RIMS2: variants seen among roughly 807,000 people sequenced by gnomAD.
RIMS2 encodes the protein regulating synaptic membrane exocytosis 2.
In RIMS2, 59 loss-of-function variants were observed where a neutral mutation model predicts 174.4. The ratio of observed to expected loss-of-function variants is 0.34; its 90% CI spans 0.27 to 0.42. The LOEUF (loss-of-function observed/expected upper bound fraction) is 0.42, where lower values mean the gene tolerates loss of function less well. Ranked by LOEUF, RIMS2 falls within the 10% of genes least tolerant of loss-of-function variation. RIMS2 has a pLI of 1.00. For synonymous variants in RIMS2, 606 were observed against 572.5 expected (o/e 1.06, Z -0.84); for missense variants, 1,620 against 1,666.3 (o/e 0.97, Z 0.48).
At chr8:104,240,542 T>C (rs892057219) in intron 19 of RIMS2, among the ~76,000 whole-genome samples, 2 of 152,238 alleles carry the variant, frequency 1.3e-5, no homozygotes, top group Non-Finnish European at 1.5e-5. Context: ...CTATAAATGT[T>C]CAGTATATTA....
At chr8:103,634,668 TCTAGGAACTTG>T (rs2096029022) in intron 1 of RIMS2, among the ~76,000 whole-genome samples, 1 of 152,354 alleles carries the variant, frequency 6.6e-6, no homozygotes, top group East Asian at 1.9e-4. Context: ...TCTGTAATTC[TCTAGGAACTTG>T]CTTTATGAAT....
chr8:103,709,132 A>G (rs2097269665), intron 2 of RIMS2, among the ~76,000 whole-genome samples: 2 of 152,164 alleles, frequency 1.3e-5, no homozygotes, highest in Non-Finnish European at 2.9e-5. Flanking sequence ...TGTTTATAAA[A>G]TTCAGTATAT....
intron 19 of RIMS2, among the ~76,000 whole-genome samples, chr8:104,144,358 A>G (rs1293894576): frequency 6.6e-6 from 1 of 152,178 alleles, no homozygotes; most frequent in East Asian, 1.9e-4. Flanking sequence ...AACACCCTAT[A>G]TCAACACTCA....
chr8:103,543,493 C>T (rs2131328231), intron 1 of RIMS2, among the ~76,000 whole-genome samples: 1 of 152,102 alleles, frequency 6.6e-6, no homozygotes, highest in Admixed American at 6.5e-5. Flanking sequence ...TTCACAGAAG[C>T]AGAAAAACAA....
Position 103,634,492 on chromosome 8 carries a change from T to G in RIMS2, c.177-62594T>G, listed in dbSNP as rs150461559. Among the ~76,000 whole-genome samples the G allele has an allele frequency of 4.2e-3, 639 of 152,340 alleles. 3 individuals carry two copies. Among genetic ancestry groups the G allele is most frequent in the African/African-American group, 0.015 (608 of 41,566 alleles). ...ATGTAGTGAGGAAAAGAATGTATAT[T>G]CTGTTGTTTTTGAGTGAAAACTTCT... On this transcript the variant is annotated intron_variant, in intron 1 of 23. Transcript: ENST00000504942.
At chr8:103,895,807 CT>C (rs2154522740) in intron 4 of RIMS2, among the ~76,000 whole-genome samples, 1 of 151,452 alleles carries the variant, frequency 6.6e-6, no homozygotes, top group South Asian at 2.1e-4. Context: ...CTTTCTTGGA[CT>C]TAAAATGTAG....
At chr8:103,643,795 T>A (rs1291597178) in intron 1 of RIMS2, among the ~76,000 whole-genome samples, 2 of 151,716 alleles carry the variant, frequency 1.3e-5, no homozygotes, top group East Asian at 3.9e-4. Context: ...TAGGCCTCAG[T>A]CTGTCAATGA....
exon 11 of RIMS2, chr8:103,927,857 A>G (rs2079076050): frequency 6.2e-7 from 1 of 1,608,112 alleles, no homozygotes. Context: ...AAGCCTTAGT[A>G]GAAGAACAAC....
intron 2 of RIMS2, among the ~76,000 whole-genome samples, chr8:103,708,290 C>G (rs551115962): frequency 2.0e-5 from 3 of 152,150 alleles, no homozygotes; most frequent in East Asian, 3.9e-4. Context: ...TGCTCCAGGA[C>G]TTGTTCTAAA....
intron 11 of RIMS2, among the ~76,000 whole-genome samples, chr8:103,929,853 G>C (rs2079551530): frequency 6.6e-6 from 1 of 151,664 alleles, no homozygotes; most frequent in African/African-American, 2.4e-5. Context: ...TAGTATTTTG[G>C]AGACTTTTTT....
chr8:104,090,905 G>C (rs1254161714), intron 19 of RIMS2, among the ~76,000 whole-genome samples: 1 of 151,710 alleles, frequency 6.6e-6, no homozygotes, highest in Non-Finnish European at 1.5e-5. Context: ...ATATTATTTA[G>C]CTAAAGATAT....
chr8:103,668,688 T>G (rs941111342), intron 1 of RIMS2, among the ~76,000 whole-genome samples: 1 of 150,326 alleles, frequency 6.7e-6, no homozygotes, highest in Non-Finnish European at 1.5e-5. Context: ...ATTTATGTAT[T>G]TATTTATTTA....
chr8:103,817,476 A>T (rs2098725114), intron 3 of RIMS2, among the ~76,000 whole-genome samples: 2 of 152,232 alleles, frequency 1.3e-5, no homozygotes, highest in South Asian at 2.1e-4. Flanking sequence ...AAATTGTGTG[A>T]TGTTTAATTC....
At chr8:103,910,801 T>C (rs1308532962) in intron 5 of RIMS2, among the ~76,000 whole-genome samples, 1 of 152,172 alleles carries the variant, frequency 6.6e-6, no homozygotes. Flanking sequence ...TGTTTTGTCT[T>C]TTGTCGCATG....
At chr8:103,924,793 T>C (rs1228653752) in intron 10 of RIMS2, among the ~76,000 whole-genome samples, 1 of 151,776 alleles carries the variant, frequency 6.6e-6, no homozygotes, top group Non-Finnish European at 1.5e-5. Flanking sequence ...GTTTACATTT[T>C]CATGCTCAAG....
intron 1 of RIMS2, among the ~76,000 whole-genome samples, chr8:103,613,416 A>G (rs1204180502): frequency 6.6e-6 from 1 of 152,136 alleles, no homozygotes; most frequent in Non-Finnish European, 1.5e-5. Context: ...AATTGTGGTG[A>G]ATGCTTCCAT....
Position 103,736,040 on chromosome 8 carries a change from G to A in RIMS2, c.388-30187G>A, listed in dbSNP as rs150951374. ...AATTACACAATGTCAGTTTATGCGC[G>A]TAATATTCTGGTTTATAACTCCATC... On this transcript the variant is annotated intron_variant, in intron 2 of 23. Coordinates refer to ENST00000504942, the Ensembl canonical transcript of RIMS2. 6.2e-3 allele frequency among the ~76,000 whole-genome samples: 947 copies of A among 152,198 alleles called. 13 individuals are homozygous for A. The highest frequency in any genetic ancestry group is 0.021 in the African/African-American group (891 of 41,538).
chr8:103,774,350 A>G (rs2098288044), intron 3 of RIMS2, among the ~76,000 whole-genome samples: 2 of 152,202 alleles, frequency 1.3e-5, no homozygotes, highest in South Asian at 2.1e-4. Flanking sequence ...AGATGAAATA[A>G]TATATCTATA....
chr8:104,057,273 G>A (rs562009584), intron 19 of RIMS2, among the ~76,000 whole-genome samples: 1 of 151,732 alleles, frequency 6.6e-6, no homozygotes, highest in Admixed American at 6.6e-5. Flanking sequence ...TCACTTTGTT[G>A]CCTAGGCTAT....
Sources: allele counts gnomAD v4.1 joint callset (sites outside exome capture counted in the v4.1 genomes callset), GRCh38; gene constraint gnomAD v4.1.1; transcripts MANE v1.5; gene names NCBI Gene and HGNC (gene_info 2026-07-23, HGNC 2026-07-21).